The following ACCSL variants were observed in gnomAD, a reference collection of about 807,000 sequenced individuals.
ACCSL encodes the protein probable inactive 1-aminocyclopropane-1-carboxylate synthase-like protein 2.
A neutral mutation model predicts 61.7 loss-of-function variants in ACCSL; 55 were observed. That is an observed-to-expected ratio of 0.89 (90% CI 0.72 to 1.12). ACCSL has a LOEUF of 1.12. Ranked by LOEUF, ACCSL falls within the 50% of genes most tolerant of loss-of-function variation. The probability of loss-of-function intolerance (pLI) is 0.00; values close to 1 mark genes in which losing one functional copy is unlikely to be tolerated. For missense variants in ACCSL, 632 were observed against 698.0 expected (o/e 0.91, Z 1.07); for synonymous variants, 258 against 264.3 (o/e 0.98, Z 0.23).
chr11:43,933,904 G>T, the ACCSL span, among the ~76,000 whole-genome samples: 1 of 152,144 alleles, frequency 6.6e-6, no homozygotes, highest in African/African-American at 2.4e-5. Flanking sequence ...GACCAGCCCT[G>T]CCATGGCAGC....
chr11:43,992,995 TGGA>T, the ACCSL span, among the ~76,000 whole-genome samples: 3 of 152,206 alleles, frequency 2.0e-5, no homozygotes, highest in Non-Finnish European at 4.4e-5. Flanking sequence ...AGTGAGAACG[TGGA>T]GGAGGCACAG....
At chr11:44,047,546 C>T (rs143149684), upstream of ACCSL, among the ~76,000 whole-genome samples, 136 of 152,296 alleles carry the variant, frequency 8.9e-4, 2 homozygotes, top group African/African-American at 3.1e-3. Context: ...GGGCTGTGTT[C>T]CAATAAAACT....
chr11:43,946,036 G>C, the ACCSL span, among the ~76,000 whole-genome samples: 2 of 152,124 alleles, frequency 1.3e-5, no homozygotes, highest in Non-Finnish European at 2.9e-5. Flanking sequence ...TGAATAAAGA[G>C]GTGCTGAGGA....
At chr11:44,030,057 ATTTTTTTTTTTT>A in the ACCSL span, among the ~76,000 whole-genome samples, 10 of 4,446 alleles carry the variant, frequency 2.2e-3, 1 homozygote, top group Admixed American at 0.03. Flanking sequence ...TCTTTGGTTG[ATTTTTTTTTTTT>A]TTTTTTTTTT....
the ACCSL span, among the ~76,000 whole-genome samples, chr11:43,996,813 CTTTTT>C: frequency 7.8e-5 from 10 of 127,780 alleles, no homozygotes; most frequent in Admixed American, 1.6e-4. Context: ...ACCTTTTTTC[CTTTTT>C]TTTTTTTTTT....
chr11:43,997,256 C>T, the ACCSL span, among the ~76,000 whole-genome samples: 1 of 151,988 alleles, frequency 6.6e-6, no homozygotes, highest in African/African-American at 2.4e-5. Flanking sequence ...CAGAGGGCCC[C>T]GTCTTGCTGC....
chr11:44,027,304 T>C, the ACCSL span, among the ~76,000 whole-genome samples: 3 of 152,128 alleles, frequency 2.0e-5, no homozygotes, highest in Non-Finnish European at 4.4e-5. Context: ...CTTTCATGGG[T>C]ATGTGCATGC....
At chr11:44,027,168 A>G in the ACCSL span, among the ~76,000 whole-genome samples, 7 of 152,312 alleles carry the variant, frequency 4.6e-5, no homozygotes, top group South Asian at 1.2e-3. Context: ...GCCAAGAGGT[A>G]TTTTGTGTTC....
chr11:43,972,232 G>C, the ACCSL span, among the ~76,000 whole-genome samples: 4 of 152,112 alleles, frequency 2.6e-5, no homozygotes, highest in Non-Finnish European at 5.9e-5. Flanking sequence ...AGAAGGAAGG[G>C]GTCTGTTTCC....
At chr11:43,993,197 C>T in the ACCSL span, among the ~76,000 whole-genome samples, 2 of 152,154 alleles carry the variant, frequency 1.3e-5, no homozygotes, top group Non-Finnish European at 2.9e-5. Flanking sequence ...ACAACCTGAG[C>T]AATTCATGGG....
the ACCSL span, among the ~76,000 whole-genome samples, chr11:43,998,116 A>G: frequency 6.6e-6 from 1 of 152,218 alleles, no homozygotes; most frequent in Non-Finnish European, 1.5e-5. Flanking sequence ...CCATTGGTGT[A>G]AAGGGGGTGA....
the ACCSL span, among the ~76,000 whole-genome samples, chr11:43,980,150 G>C: frequency 6.6e-6 from 1 of 152,032 alleles, no homozygotes; most frequent in South Asian, 2.1e-4. Context: ...CATTCTTCTT[G>C]ATAGCTGCCT....
intron 1 of ACCSL, among the ~76,000 whole-genome samples, chr11:44,049,647 G>A (rs1045467355): frequency 6.6e-6 from 1 of 152,040 alleles, no homozygotes; most frequent in African/African-American, 2.4e-5. Context: ...GGGGCCTTGG[G>A]GATTAAGGGT....
chr11:44,018,353 A>G, the ACCSL span, among the ~76,000 whole-genome samples: 1 of 152,198 alleles, frequency 6.6e-6, no homozygotes, highest in Non-Finnish European at 1.5e-5. Flanking sequence ...CCAGCTGTGC[A>G]GACACAGAAC....
chr11:44,020,701 G>A, the ACCSL span, among the ~76,000 whole-genome samples: 2 of 152,158 alleles, frequency 1.3e-5, no homozygotes, highest in African/African-American at 4.8e-5. Context: ...CTTTAGTGGT[G>A]ATTTCTGAGA....
the ACCSL span, among the ~76,000 whole-genome samples, chr11:43,968,265 G>A: frequency 6.6e-6 from 1 of 152,056 alleles, no homozygotes; most frequent in African/African-American, 2.4e-5. Context: ...ATTTTTGCTA[G>A]AGGTTTTTTG....
At chr11:43,933,698 G>T in the ACCSL span, among the ~76,000 whole-genome samples, 3,165 of 152,280 alleles carry the variant, frequency 0.021, 73 homozygotes, top group East Asian at 0.11. Flanking sequence ...CCTTGGCAGG[G>T]AAATGAGCTC....
At chr11:43,956,581 G>A in the ACCSL span, among the ~76,000 whole-genome samples, 6 of 152,032 alleles carry the variant, frequency 3.9e-5, no homozygotes, top group Admixed American at 6.6e-5. Flanking sequence ...CACCACACCC[G>A]GCTAATTTTT....
the ACCSL span, among the ~76,000 whole-genome samples, chr11:44,003,167 T>A: frequency 6.6e-6 from 1 of 152,038 alleles, no homozygotes; most frequent in Admixed American, 6.6e-5. Context: ...AGGAGAAAAA[T>A]TATGTTAAAA....
Sources: gnomAD v4.1 joint callset for allele counts (sites outside exome capture counted in the v4.1 genomes callset) on GRCh38, gnomAD v4.1.1 for gene constraint, MANE v1.5 for transcripts, NCBI Gene and HGNC (gene_info 2026-07-23, HGNC 2026-07-21) for gene names.